The following DCC variants were observed in gnomAD, a reference collection of about 807,000 sequenced individuals.
DCC encodes DCC netrin 1 receptor.
A neutral mutation model predicts 172.5 loss-of-function variants in DCC; 58 were observed. That is an observed-to-expected ratio of 0.34 (90% CI 0.27 to 0.42). DCC has a LOEUF of 0.42. Among genes scored for constraint, DCC ranks in the 10% least tolerant of loss-of-function variants. The pLI is 1.00. For missense variants in DCC, 1,740 were observed against 1,791.0 expected (o/e 0.97, Z 0.51); for synonymous variants, 709 against 644.5 (o/e 1.10, Z -1.52).
chr18:52,821,056 TTTCTC>T (rs750539857), intron 2 of DCC, among the ~76,000 whole-genome samples: 7 of 152,256 alleles, frequency 4.6e-5, no homozygotes, highest in South Asian at 2.1e-4. Context: ...TATTTCATAG[TTTCTC>T]TTCTCTTCTC....
rs544804336 is a variant in DCC at position 53,438,825 on chromosome 18, G to T, written c.3229+3616G>T. Among the ~76,000 whole-genome samples, 4 of 152,298 alleles carry T rather than the reference G, an allele frequency of 2.6e-5. No homozygotes were observed. The South Asian group carries it at 8.3e-4, about 32-fold the overall frequency. ...TTTGTTTTACCATTTAAGATTCCTAGTGAGAAAACTGACCAAAATTAAATT... is the reference window on the plus strand; with the variant it reads ...TTTGTTTTACCATTTAAGATTCCTATTGAGAAAACTGACCAAAATTAAATT... On this transcript the variant is annotated intron_variant, in intron 22 of 28. Transcript: ENST00000442544.
chr18:52,753,534 G>A (rs2037032093), intron 2 of DCC, among the ~76,000 whole-genome samples: 1 of 152,086 alleles, frequency 6.6e-6, no homozygotes, highest in African/African-American at 2.4e-5. Flanking sequence ...TTTTTGTTGT[G>A]GGGCCTTAAG....
intron 12 of DCC, among the ~76,000 whole-genome samples, chr18:53,257,653 A>T (rs1460194239): frequency 6.6e-6 from 1 of 151,748 alleles, no homozygotes; most frequent in African/African-American, 2.4e-5. Context: ...TTCATCAGGG[A>T]TATTGGTCTA....
rs72925305 is a variant in DCC, at chr18:53,262,290, A to C, written c.1912-43288A>C. On this transcript the variant is annotated intron_variant, in intron 12 of 28. Coordinates refer to ENST00000442544, the MANE Select transcript of DCC (RefSeq NM_005215.4). ...CCATTTTTCCTCGTAGCCTAAAATC[A>C]ACTCTATATACAGACCAAATGCTAT... is the stretch of plus-strand genomic sequence containing the variant. 4.6e-5 allele frequency among the ~76,000 whole-genome samples: 7 copies of C among 152,320 alleles called. No homozygotes were observed. The East Asian group carries it at 1.2e-3, about 25-fold the overall frequency.
At chr18:53,332,929 G>T (rs988649806) in intron 14 of DCC, among the ~76,000 whole-genome samples, 3 of 152,278 alleles carry the variant, frequency 2.0e-5, no homozygotes, top group African/African-American at 4.8e-5. Flanking sequence ...AATTAGCCAA[G>T]TGTGGTGGTG....
intron 1 of DCC, among the ~76,000 whole-genome samples, chr18:52,475,719 A>G (rs1368739327): frequency 1.3e-5 from 2 of 152,206 alleles, no homozygotes; most frequent in Non-Finnish European, 2.9e-5. Flanking sequence ...GGAAGGAGAG[A>G]GTGACCAATA....
At chr18:53,027,764 T>C (rs2041975609) in intron 5 of DCC, among the ~76,000 whole-genome samples, 1 of 152,140 alleles carries the variant, frequency 6.6e-6, no homozygotes, top group Non-Finnish European at 1.5e-5. Context: ...TTTACAGCTT[T>C]ACTCTCCTAC....
chr18:52,414,110 A>G (rs1986934095), intron 1 of DCC, among the ~76,000 whole-genome samples: 1 of 152,066 alleles, frequency 6.6e-6, no homozygotes, highest in African/African-American at 2.4e-5. Context: ...GATGGAGTTT[A>G]GCTCTTGTTG....
At chr18:52,818,160 T>TTGA (rs1412349026) in intron 2 of DCC, 1 of 152,164 alleles carries the variant, frequency 6.6e-6, no homozygotes, top group Non-Finnish European at 1.5e-5. Flanking sequence ...GGAGGATTAC[T>TTGA]TGAACCCAGG....
chr18:53,180,854 C>G (rs1489053679), intron 9 of DCC, among the ~76,000 whole-genome samples: 1 of 152,046 alleles, frequency 6.6e-6, no homozygotes, highest in Non-Finnish European at 1.5e-5. Context: ...CTCAAGTGAT[C>G]CCCCTGCCTC....
intron 5 of DCC, among the ~76,000 whole-genome samples, chr18:52,986,349 G>C (rs2041292737): frequency 6.6e-6 from 1 of 152,112 alleles, no homozygotes; most frequent in Non-Finnish European, 1.5e-5. Context: ...AGACAGTAGT[G>C]GGCAGCGAAT....
At chr18:53,092,872 T>TAC (rs138684180) in intron 7 of DCC, among the ~76,000 whole-genome samples, 3,227 of 151,566 alleles carry the variant, frequency 0.021, 109 homozygotes, top group African/African-American at 0.072. Context: ...TTCAAACATG[T>TAC]ACACACACAC....
At chr18:53,349,829 T>A (rs1239198674) in intron 15 of DCC, among the ~76,000 whole-genome samples, 1 of 152,180 alleles carries the variant, frequency 6.6e-6, no homozygotes, top group Non-Finnish European at 1.5e-5. Flanking sequence ...TCCCATGACG[T>A]GGGAATTGTG....
intron 20 of DCC, among the ~76,000 whole-genome samples, chr18:53,411,233 A>G (rs77112975): frequency 6.6e-6 from 1 of 152,290 alleles, no homozygotes; most frequent in East Asian, 1.9e-4. Flanking sequence ...GTAAGTACTT[A>G]CTATTTTAGA....
intron 1 of DCC, among the ~76,000 whole-genome samples, chr18:52,390,768 G>A (rs1985999907): frequency 6.6e-6 from 1 of 152,024 alleles, no homozygotes; most frequent in African/African-American, 2.4e-5. Flanking sequence ...GTCTCATTAG[G>A]CAAATATTAG....
In DCC at chr18:53,533,116, C is replaced by T. The variant is rs1280690542; in HGVS notation, c.*2463C>T. 6.6e-6 allele frequency: 1 copy of T among 152,158 alleles called. No individual in the cohort carries two copies. The highest frequency in any genetic ancestry group is 2.4e-5 in the African/African-American group (1 of 41,436). The allele number at this position is 152,158 out of a possible 1,614,324, so 9.4% of individuals were successfully genotyped here. ...TGGTAGTATTAATATACAATGATGT[C>T]ACCACAACTTTTGTATAACTCTGTT... On this transcript the variant is annotated 3_prime_UTR_variant, in exon 29 of 29. Coordinates refer to ENST00000442544, the MANE Select transcript of DCC (RefSeq NM_005215.4).
chr18:52,989,114 G>C (rs2041341180), intron 5 of DCC, among the ~76,000 whole-genome samples: 1 of 151,872 alleles, frequency 6.6e-6, no homozygotes, highest in African/African-American at 2.4e-5. Context: ...GGGATAGAGA[G>C]AATAGTTTAA....
intron 5 of DCC, among the ~76,000 whole-genome samples, chr18:52,929,301 A>G (rs997216116): frequency 6.6e-6 from 1 of 152,156 alleles, no homozygotes. Flanking sequence ...CATATGCTTT[A>G]CTGTCTGCCC....
At chr18:53,171,404 G>C (rs1401671358) in intron 8 of DCC, among the ~76,000 whole-genome samples, 54 of 152,130 alleles carry the variant, frequency 3.5e-4, no homozygotes, top group Admixed American at 3.5e-3. Context: ...CAATGCATTT[G>C]CCTGGGTTCT....
Sources: allele counts gnomAD v4.1 joint callset (sites outside exome capture counted in the v4.1 genomes callset), GRCh38; gene constraint gnomAD v4.1.1; transcripts MANE v1.5; gene names NCBI Gene and HGNC (gene_info 2026-07-23, HGNC 2026-07-21).